The following SGIP1 variants were observed in gnomAD, a reference collection of about 807,000 sequenced individuals.
The protein encoded by SGIP1 is SH3-containing GRB2-like protein 3-interacting protein 1.
A neutral mutation model predicts 107.5 loss-of-function variants in SGIP1; 38 were observed. That is an observed-to-expected ratio of 0.35 (90% CI 0.27 to 0.46). SGIP1 has a LOEUF of 0.46. Ranked by LOEUF, SGIP1 falls within the 20% of genes least tolerant of loss-of-function variation. The probability of loss-of-function intolerance (pLI) is 1.00; values close to 1 mark genes in which losing one functional copy is unlikely to be tolerated. For missense variants in SGIP1, 929 were observed against 1,019.5 expected (o/e 0.91, Z 1.21); for synonymous variants, 365 against 366.1 (o/e 1.00, Z 0.03).
At chr1:66,702,653 T>C (rs548654477) in intron 18 of SGIP1, among the ~76,000 whole-genome samples, 2 of 152,314 alleles carry the variant, frequency 1.3e-5, no homozygotes, top group East Asian at 3.9e-4. Flanking sequence ...AAGTGGCCTC[T>C]TGGGTGTCTG....
At chr1:66,656,360 G>A (rs775199149) in intron 7 of SGIP1, among the ~76,000 whole-genome samples, 1 of 152,180 alleles carries the variant, frequency 6.6e-6, no homozygotes, top group Non-Finnish European at 1.5e-5. Context: ...TTTTTTATAA[G>A]TGGAAGGAGT....
chr1:66,540,030 A>G (rs891652597), intron 1 of SGIP1, among the ~76,000 whole-genome samples: 3 of 152,206 alleles, frequency 2.0e-5, no homozygotes, highest in African/African-American at 7.2e-5. Flanking sequence ...TAAGTGAACA[A>G]AACTAGATAT....
At chr1:66,609,245 T>G (rs574798553) in intron 1 of SGIP1, among the ~76,000 whole-genome samples, 6 of 152,224 alleles carry the variant, frequency 3.9e-5, no homozygotes, top group African/African-American at 4.8e-5. Context: ...AGAAGTTTTA[T>G]AATGAAGTCT....
rs116682958 is a variant in SGIP1, at chr1:66,712,718, T to C, written c.1631-6576T>C. On this transcript the variant is annotated intron_variant, in intron 18 of 24. Coordinates refer to ENST00000371037, the MANE Select transcript of SGIP1 (RefSeq NM_032291.4). ...ATGCTTTCATAAATTAAGGACCTCA[T>C]CTTTTAAAGATGTCAGATGTCATAC... 7.9e-3 allele frequency among the ~76,000 whole-genome samples: 1,208 copies of C among 152,292 alleles called. 19 individuals are homozygous for C. The highest frequency in any genetic ancestry group is 0.028 in the African/African-American group (1,149 of 41,560).
chr1:66,699,022 C>G (rs2091465838), intron 18 of SGIP1, among the ~76,000 whole-genome samples: 1 of 151,988 alleles, frequency 6.6e-6, no homozygotes, highest in African/African-American at 2.4e-5. Flanking sequence ...ACTCTCATCT[C>G]TAGACTCTCT....
chr1:66,724,082 G>A (rs979337913), intron 19 of SGIP1, among the ~76,000 whole-genome samples: 1 of 152,156 alleles, frequency 6.6e-6, no homozygotes, highest in African/African-American at 2.4e-5. Flanking sequence ...CTGAGAAACA[G>A]ACCTAGGGGT....
chr1:66,675,541 C>CTTTTTTTTTTTTTTTTTTTTTTTT (rs71242802), intron 12 of SGIP1, among the ~76,000 whole-genome samples: 5 of 112,388 alleles, frequency 4.4e-5, no homozygotes, highest in African/African-American at 1.2e-4. Flanking sequence ...CTTTTTCTTT[C>CTTTTTTTTTTTTTTTTTTTTTTTT]TTTTTTTTTT....
At chr1:66,671,421 C>T (rs578208604) in intron 10 of SGIP1, among the ~76,000 whole-genome samples, 1 of 152,164 alleles carries the variant, frequency 6.6e-6, no homozygotes, top group South Asian at 2.1e-4. Context: ...TTTAGTCAAC[C>T]AAAGTGATGC....
intron 12 of SGIP1, among the ~76,000 whole-genome samples, chr1:66,673,655 T>TCAA (rs1414847734): frequency 4.5e-4 from 69 of 152,136 alleles, no homozygotes; most frequent in Non-Finnish European, 1.8e-4. Flanking sequence ...GGTCATGGAG[T>TCAA]AAACACTCTG....
At chr1:66,701,393 G>A (rs914122677) in intron 18 of SGIP1, among the ~76,000 whole-genome samples, 1 of 152,132 alleles carries the variant, frequency 6.6e-6, no homozygotes, top group Non-Finnish European at 1.5e-5. Context: ...TAAGTACCAG[G>A]TTGGGGAAAC....
intron 2 of SGIP1, among the ~76,000 whole-genome samples, chr1:66,632,013 T>C (rs1165133911): frequency 2.0e-5 from 3 of 152,192 alleles, no homozygotes; most frequent in African/African-American, 4.8e-5. Flanking sequence ...ATACCTCTAA[T>C]ACCTCTCCTA....
chr1:66,625,723 A>G (rs1363924656), intron 1 of SGIP1, 124 bp from the exon 2 acceptor site: 3 of 762,674 alleles, frequency 3.9e-6, no homozygotes, highest in Non-Finnish European at 6.4e-6. Flanking sequence ...ATACCTTTAC[A>G]TACAACTTCA....
At chr1:66,637,001 T>C (rs894620266) in intron 4 of SGIP1, among the ~76,000 whole-genome samples, 2 of 152,112 alleles carry the variant, frequency 1.3e-5, no homozygotes, top group Non-Finnish European at 2.9e-5. Context: ...ATTCAAGTTA[T>C]AGAAGTTACT....
intron 4 of SGIP1, 46 bp downstream of exon 4, chr1:66,636,061 A>C (rs1453407059): frequency 6.4e-7 from 1 of 1,551,426 alleles, no homozygotes. Context: ...GGTTATAAAA[A>C]ACAGTGAGTA....
intron 3 of SGIP1, chr1:66,634,186 T>G (rs1286273429): frequency 1.3e-6 from 2 of 1,596,878 alleles, no homozygotes; most frequent in South Asian, 2.3e-5. Flanking sequence ...TCTGTGTCTC[T>G]TCTTTGCTTC....
intron 1 of SGIP1, among the ~76,000 whole-genome samples, chr1:66,558,615 A>C (rs1211659183): frequency 2.6e-5 from 4 of 152,014 alleles, no homozygotes; most frequent in African/African-American, 7.2e-5. Context: ...GCTACCAAAC[A>C]GGCATTATCT....
chr1:66,679,801 T>C (rs971048877), intron 14 of SGIP1, 49 bp downstream of exon 14: 18 of 1,483,054 alleles, frequency 1.2e-5, no homozygotes, highest in Non-Finnish European at 1.6e-5. Flanking sequence ...AACAGAGCAG[T>C]GGCCCCGGAT....
intron 1 of SGIP1, among the ~76,000 whole-genome samples, chr1:66,597,880 C>T (rs1558020472): frequency 1.3e-5 from 2 of 152,026 alleles, no homozygotes; most frequent in Admixed American, 1.3e-4. Flanking sequence ...CTTGCATAAA[C>T]AAAAAGTCGA....
At chr1:66,563,483 A>G (rs1014800673) in intron 1 of SGIP1, among the ~76,000 whole-genome samples, 1 of 152,044 alleles carries the variant, frequency 6.6e-6, no homozygotes, top group East Asian at 1.9e-4. Context: ...GACAACTACC[A>G]GATCTCCTGA....
Sources: allele counts gnomAD v4.1 joint callset (sites outside exome capture counted in the v4.1 genomes callset), GRCh38; gene constraint gnomAD v4.1.1; transcripts MANE v1.5; gene names NCBI Gene and HGNC (gene_info 2026-07-23, HGNC 2026-07-21).